FAAH2: variants seen among roughly 807,000 people sequenced by gnomAD.
The protein encoded by FAAH2 is fatty acid amide hydrolase 2.
In FAAH2, 60 loss-of-function variants were observed where a neutral mutation model predicts 36.9. The observed-to-expected ratio is 1.63, with a 90% CI of 1.32 to 2.02. FAAH2 has a LOEUF of 2.02. Among genes scored for constraint, FAAH2 ranks in the 30% most tolerant of loss-of-function variants. The pLI is 0.00. For synonymous variants in FAAH2, 214 were observed against 143.8 expected (o/e 1.49, Z -3.49); for missense variants, 689 against 397.5 (o/e 1.73, Z -6.23).
intron 1 of FAAH2, among the ~76,000 whole-genome samples, chrX:57,289,796 TATG>T (rs2051923038): frequency 9.0e-6 from 1 of 110,731 alleles, no homozygotes; most frequent in Admixed American, 9.7e-5. Context: ...ATGAATATAA[TATG>T]ATTCCTTTTG....
Position 57,468,545 on chromosome X carries a change from G to GA in FAAH2, c.1423+19834dup, listed in dbSNP as rs774647442. Reference sequence around the variant, plus strand: ...AATGAAGTGAGAACAGAAGTTTACAGAAAAAAATAGTAAAAAGAAATGAAG... The same window carrying GA: ...AATGAAGTGAGAACAGAAGTTTACAGAAAAAAAATAGTAAAAAGAAATGAAG... On this transcript the variant is annotated intron_variant, in intron 10 of 10. Transcript: ENST00000374900. Among the ~76,000 whole-genome samples, 478 of 111,662 alleles carry GA rather than the reference G, an allele frequency of 4.3e-3. 2 individuals are homozygous for GA. Among genetic ancestry groups the GA allele is most frequent in the Admixed American group, 8.1e-3 (85 of 10,527 alleles).
intron 7 of FAAH2, chrX:57,394,510 G>A: frequency 8.3e-7 from 1 of 1,207,271 alleles, no homozygotes; most frequent in Non-Finnish European, 1.1e-6. Context: ...CAGGTGTCTT[G>A]AGGTTAAGGT....
chrX:57,331,934 T>A (rs1426675111), intron 4 of FAAH2, 127 bp downstream of exon 4: 1 of 644,722 alleles, frequency 1.6e-6, no homozygotes, highest in African/African-American at 2.2e-5. Flanking sequence ...CCCAGGATAT[T>A]TGTGTGTTGA....
intron 7 of FAAH2, among the ~76,000 whole-genome samples, chrX:57,397,371 AT>A (rs1397667747): frequency 8.9e-6 from 1 of 112,078 alleles, no homozygotes; most frequent in African/African-American, 3.2e-5. Context: ...AGTTTTGCTC[AT>A]GTGCACATGT....
At chrX:57,160,211 CT>C in the FAAH2 span, among the ~76,000 whole-genome samples, 2 of 111,470 alleles carry the variant, frequency 1.8e-5, no homozygotes, top group African/African-American at 6.5e-5. Context: ...GTGGATAAGC[CT>C]TTTGATGTGC....
chrX:57,276,095 T>G, the FAAH2 span, among the ~76,000 whole-genome samples: 2 of 111,721 alleles, frequency 1.8e-5, no homozygotes, highest in East Asian at 5.6e-4. Flanking sequence ...TACAGAACTC[T>G]CCACCCCAAA....
At chrX:57,173,778 G>T in the FAAH2 span, among the ~76,000 whole-genome samples, 22 of 111,628 alleles carry the variant, frequency 2.0e-4, no homozygotes, top group African/African-American at 6.8e-4. Flanking sequence ...TTATTCTAAA[G>T]AAATGCTAGA....
At chrX:57,263,885 T>C in the FAAH2 span, among the ~76,000 whole-genome samples, 4 of 111,671 alleles carry the variant, frequency 3.6e-5, no homozygotes, top group South Asian at 1.5e-3. Flanking sequence ...AAACCCAGAA[T>C]ACACATATAG....
intron 10 of FAAH2, among the ~76,000 whole-genome samples, chrX:57,473,166 A>G (rs183113182): frequency 1.8e-5 from 2 of 111,243 alleles, no homozygotes; most frequent in East Asian, 5.6e-4. Flanking sequence ...GTAGGCATTT[A>G]ATGCTATAAA....
At chrX:57,355,147 C>G (rs967784) in intron 5 of FAAH2, among the ~76,000 whole-genome samples, 2 of 110,042 alleles carry the variant, frequency 1.8e-5, no homozygotes, top group African/African-American at 6.6e-5. Context: ...AGTTTCCCCA[C>G]CTTTGAAAAT....
chrX:57,185,080 A>G, the FAAH2 span, among the ~76,000 whole-genome samples: 1 of 111,625 alleles, frequency 9.0e-6, no homozygotes, highest in Non-Finnish European at 1.9e-5. Context: ...TGTGTTACAT[A>G]CAAGCCAATT....
At chrX:57,263,560 T>C in the FAAH2 span, among the ~76,000 whole-genome samples, 1 of 111,970 alleles carries the variant, frequency 8.9e-6, no homozygotes, top group Non-Finnish European at 1.9e-5. Flanking sequence ...GTAAAAACTT[T>C]TGCAAGATTT....
At chrX:57,237,842 C>T in the FAAH2 span, among the ~76,000 whole-genome samples, 529 of 110,835 alleles carry the variant, frequency 4.8e-3, 3 homozygotes, top group African/African-American at 0.016. Flanking sequence ...GGGCAAATGA[C>T]ATGAACAGAC....
intron 2 of FAAH2, among the ~76,000 whole-genome samples, chrX:57,301,835 T>C (rs1474169305): frequency 9.0e-6 from 1 of 111,688 alleles, no homozygotes; most frequent in African/African-American, 3.3e-5. Flanking sequence ...GTCTTCAGTG[T>C]GTAGAACATG....
At chrX:57,149,964 T>C in the FAAH2 span, among the ~76,000 whole-genome samples, 31,605 of 110,886 alleles carry the variant, frequency 0.29, 3,508 homozygotes, top group Middle Eastern at 0.58. Flanking sequence ...GTTGTGTCTT[T>C]GTTCTCATTG....
At chrX:57,285,130 T>A (rs2051792214), upstream of FAAH2, among the ~76,000 whole-genome samples, 1 of 112,430 alleles carries the variant, frequency 8.9e-6, no homozygotes, top group Admixed American at 9.4e-5. Context: ...TTTATCAGCT[T>A]TCTTTACTGG....
At chrX:57,215,245 C>A in the FAAH2 span, among the ~76,000 whole-genome samples, 2 of 110,928 alleles carry the variant, frequency 1.8e-5, no homozygotes, top group African/African-American at 6.6e-5. Flanking sequence ...TAGAGAAATG[C>A]AAATCAGAAC....
intron 7 of FAAH2, chrX:57,394,729 G>A (rs1037855916): frequency 1.8e-5 from 16 of 869,623 alleles, no homozygotes; most frequent in Non-Finnish European, 2.7e-5. Flanking sequence ...GATGACTATT[G>A]CTAGGTTTGA....
intron 10 of FAAH2, among the ~76,000 whole-genome samples, chrX:57,460,532 T>C (rs906369932): frequency 2.0e-4 from 22 of 111,970 alleles, no homozygotes; most frequent in Non-Finnish European, 4.1e-4. Flanking sequence ...TAACTCAGAA[T>C]TTCTTATCCA....
Sources: allele counts gnomAD v4.1 joint callset (sites outside exome capture counted in the v4.1 genomes callset), GRCh38; gene constraint gnomAD v4.1.1; transcripts MANE v1.5; gene names NCBI Gene and HGNC (gene_info 2026-07-23, HGNC 2026-07-21).